RAET1E: variants seen among roughly 807,000 people sequenced by gnomAD.
The protein encoded by RAET1E is NKG2D ligand 4.
In RAET1E, 27 loss-of-function variants were observed where a neutral mutation model predicts 21.1. That is an observed-to-expected ratio of 1.28 (90% CI 0.94 to 1.76). The LOEUF (loss-of-function observed/expected upper bound fraction) is 1.76. RAET1E is among the 40% of genes most tolerant of loss of function. The pLI is 0.00. For missense variants in RAET1E, 310 were observed against 311.3 expected (o/e 1.00, Z 0.03); for synonymous variants, 113 against 115.0 (o/e 0.98, Z 0.11).
Position 149,888,167 on chromosome 6 carries a change from G to A in RAET1E, c.*331C>T, listed in dbSNP as rs764967104. The A allele has an allele frequency of 5.2e-6, 3 of 573,096 alleles. No individual in the cohort carries two copies. The highest frequency in any genetic ancestry group is 3.7e-5 in the African/African-American group (2 of 54,312). 35.5% of individuals were successfully genotyped at this position (573,096 alleles called of 1,614,324 possible). A position where few individuals can be genotyped will look rare whatever the true frequency, so the allele number is the denominator to read the frequency against. On this transcript the variant is annotated 3_prime_UTR_variant, in exon 6 of 6. Coordinates refer to ENST00000357183, the MANE Select transcript of RAET1E (RefSeq NM_001394057.1). Reference sequence around the variant, plus strand: ...AAGCGCCACCAGCAAGTCTTCTCAGGGTGAACGGGAAAAGGGGATGGGACC... The same window carrying A: ...AAGCGCCACCAGCAAGTCTTCTCAGAGTGAACGGGAAAAGGGGATGGGACC...
rs1777528448 is a variant in RAET1E at position 149,884,593 on chromosome 6, CCT to C, written c.*3903_*3904del. The C allele has an allele frequency of 8.7e-7, 1 of 1,155,996 alleles. No individual in the cohort carries two copies. The highest frequency in any genetic ancestry group is 1.2e-6 in the Non-Finnish European group (1 of 802,316). The allele number at this position is 1,155,996 out of a possible 1,614,324, so 71.6% of individuals were successfully genotyped here. ...GTGATCTCTCAGGACTCAGATCCCA[CCT>C]CTCTCTCAGGGAGAGATCAGCCGCT... On this transcript the variant is annotated 3_prime_UTR_variant, in exon 6 of 6. Transcript: ENST00000357183.
In RAET1E at chr6:149,887,949, C is replaced by A. The variant is rs542176741; in HGVS notation, c.*549G>T. On this transcript the variant is annotated 3_prime_UTR_variant, in exon 6 of 6. Transcript: ENST00000357183. ...CAGGTGTGTTGGCTCCCCCTGTAATCCCAGCGCTTTGGGAGGCCGAGGCGG... is the reference window on the plus strand; with the variant it reads ...CAGGTGTGTTGGCTCCCCCTGTAATACCAGCGCTTTGGGAGGCCGAGGCGG... Among the ~76,000 whole-genome samples the A allele has an allele frequency of 2.0e-5, 3 of 152,158 alleles. No homozygotes were observed. The highest frequency in any genetic ancestry group is 4.4e-5 in the Non-Finnish European group (3 of 68,026).
intron 2 of RAET1E, among the ~76,000 whole-genome samples, chr6:149,891,870 C>A (rs948349706): frequency 6.6e-6 from 1 of 152,076 alleles, no homozygotes; most frequent in Non-Finnish European, 1.5e-5. Flanking sequence ...TAATGTTACC[C>A]CTCTCCTAGC....
intron 2 of RAET1E, among the ~76,000 whole-genome samples, chr6:149,891,349 C>T (rs1424426694): frequency 1.3e-5 from 2 of 152,072 alleles, no homozygotes; most frequent in Non-Finnish European, 2.9e-5. Flanking sequence ...CGCCATTCTC[C>T]CCTCTCCCAC....
intron 1 of RAET1E, 171 bp from the exon 2 acceptor site, chr6:149,896,203 T>C (rs924590770): frequency 6.6e-6 from 1 of 152,240 alleles, no homozygotes; most frequent in Admixed American, 6.5e-5. Context: ...TGACATCCTG[T>C]GACTCAGATG....
chr6:149,892,202 T>TA (rs1326308303), intron 2 of RAET1E, among the ~76,000 whole-genome samples: 1 of 152,250 alleles, frequency 6.6e-6, no homozygotes, highest in African/African-American at 2.4e-5. Context: ...GCATGATTTA[T>TA]AATCCTTTGG....
chr6:149,888,546 C>T lies in RAET1E; in HGVS notation c.744G>A (p.Trp248Ter). ...LMGIVLICVW[W>*]QNGEWQAGLW... ...GACCAGCCTGCCACTCACCATTTTGCCACCAGACACAGATGAGAACAATTC... is the reference window on the plus strand; with the variant it reads ...GACCAGCCTGCCACTCACCATTTTGTCACCAGACACAGATGAGAACAATTC... Residue 248 changes from tryptophan to a stop codon, truncating the protein, a stop_gained, in exon 6 of 6, where the codon TGG (tryptophan) becomes TGA (stop). Transcript: ENST00000357183. LOFTEE classifies it low-confidence loss of function (END_TRUNC). 6.2e-7 allele frequency: 1 copy of T among 1,613,804 alleles called. No homozygotes were observed. The highest frequency in any genetic ancestry group is 8.5e-7 in the Non-Finnish European group (1 of 1,179,968).
rs766674050 is a variant in RAET1E at position 149,888,595 on chromosome 6, G to A, written c.695C>T (p.Ala232Val). ...TCCCATTAAAACTAACAGGATGAAT[G>A]CCCCCAGGATGATCCATCTATCTGG... ...SLPDRWIILGAFILLVLMGIV... is the reference protein window; with the variant it reads ...SLPDRWIILGVFILLVLMGIV... The change falls in exon 6 of 6, where the codon GCA becomes GTA. Residue 232 changes from alanine to valine, a missense_variant. Ala to Val is a moderately conservative substitution (Grantham distance 64). Coordinates refer to ENST00000357183, the MANE Select transcript of RAET1E (RefSeq NM_001394057.1). 6.2e-7 allele frequency: 1 copy of A among 1,608,330 alleles called. No individual in the cohort carries two copies. The highest frequency in any genetic ancestry group is 2.2e-5 in the East Asian group (1 of 44,550).
rs773168443 is a variant in RAET1E at position 149,885,047 on chromosome 6, C to T, written c.*3451G>A. 6.6e-6 allele frequency among the ~76,000 whole-genome samples: 1 copy of T among 152,162 alleles called. No homozygotes were observed. Among genetic ancestry groups the T allele is most frequent in the Non-Finnish European group, 1.5e-5 (1 of 68,000 alleles). ...GCTTTGTTGGAGCCCAGGCAGCCTTCTTCATTATGTCCTCCTAGGAATTAA... is the reference window on the plus strand; with the variant it reads ...GCTTTGTTGGAGCCCAGGCAGCCTTTTTCATTATGTCCTCCTAGGAATTAA... On this transcript the variant is annotated 3_prime_UTR_variant, in exon 6 of 6. Coordinates refer to ENST00000357183, the MANE Select transcript of RAET1E (RefSeq NM_001394057.1).
Position 149,890,098 on chromosome 6 carries a change from G to A in RAET1E, c.133C>T (p.Pro45Ser). The A allele has an allele frequency of 1.2e-6, 2 of 1,613,526 alleles. No homozygotes were observed. The highest frequency in any genetic ancestry group is 1.7e-6 in the Non-Finnish European group (2 of 1,179,494). The part of the protein sequence containing the change: ...FNFTIKSLSR[P>S]GQPWCEAQVF... ...TGCGCTTCACACCAGGGCTGTCCAG[G>A]TCTGGACAATGATTTTATAGTGAAG... The change falls in exon 4 of 6, where the codon CCT becomes TCT. Residue 45 changes from proline (P) to serine (S), a missense_variant. Coordinates refer to ENST00000357183, the MANE Select transcript of RAET1E (RefSeq NM_001394057.1).
Position 149,889,414 on chromosome 6 carries a change from T to C in RAET1E, c.556A>G (p.Lys186Glu). 1 of 1,614,224 alleles carries C rather than the reference T, an allele frequency of 6.2e-7. No homozygotes were observed. The highest frequency in any genetic ancestry group is 8.5e-7 in the Non-Finnish European group (1 of 1,180,044). The change falls in exon 5 of 6, where the codon AAG becomes GAG. Residue 186 changes from lysine (K) to glutamate (E), a missense_variant. By Grantham distance (56) the Lys-to-Glu change is moderately conservative. Transcript: ENST00000357183. ...CTGAGCCAGTGATCGCAGTCTCCCT[T>C]TGAGAGCTTCCTGAAATACTTTTCC... Reference protein sequence around the residue: ...GLEKYFRKLSKGDCDHWLREF... With the variant: ...GLEKYFRKLSEGDCDHWLREF...
chr6:149,894,621 C>T lies in RAET1E; in HGVS notation c.-134+1225G>A, dbSNP rs562934202. Among the ~76,000 whole-genome samples the T allele has an allele frequency of 2.6e-5, 4 of 152,098 alleles. No homozygotes were observed. In the South Asian group the frequency reaches 8.3e-4, roughly 32 times the overall value. On this transcript the variant is annotated intron_variant, in intron 2 of 5. Coordinates refer to ENST00000357183, the MANE Select transcript of RAET1E (RefSeq NM_001394057.1). ...AAGTTCTCATGCTGTTTTTTAGCTC[C>T]ATCAGGTCATTTATGTTCCTCTCTA...
At position 149,889,976 on chromosome 6, in the gene RAET1E, G is replaced by T. The variant is rs141247969; in HGVS notation, c.255C>A (p.Ser85Arg). 9.3e-6 allele frequency: 15 copies of T among 1,614,014 alleles called. No individual in the cohort carries two copies. In the African/African-American group the frequency reaches 2.0e-4, roughly 22 times the overall value. ...GCGTTTGGGTCAATTCTCCCCAAGTGCTGGTGGCATATACCTTCTTCCCCA... is the reference window on the plus strand; with the variant it reads ...GCGTTTGGGTCAATTCTCCCCAAGTTCTGGTGGCATATACCTTCTTCCCCA... ...GLLGKKVYAT[S>R]TWGELTQTLG... Residue 85 changes from serine (S) to arginine (R), a missense_variant, in exon 4 of 6, where the codon AGC becomes AGA. Coordinates refer to ENST00000357183, the MANE Select transcript of RAET1E (RefSeq NM_001394057.1).
rs112453646 is a variant in RAET1E, at chr6:149,889,403, G to A, written c.567C>T (p.Cys189=). ...CTAAGAATTCCCTGAGCCAGTGATC[G>A]CAGTCTCCCTTTGAGAGCTTCCTGA... ...KYFRKLSKGD[C]DHWLREFLGH... Residue 189 remains cysteine, a synonymous_variant, in exon 5 of 6, where the codon TGC becomes TGT. Transcript: ENST00000357183. 2.1e-5 allele frequency: 34 copies of A among 1,614,030 alleles called. No individual in the cohort carries two copies. The highest frequency in any genetic ancestry group is 1.1e-4 in the East Asian group (5 of 44,888).
chr6:149,889,239 A>G, intron 5 of RAET1E, 109 bp downstream of exon 5: 2 of 1,495,452 alleles, frequency 1.3e-6, no homozygotes, highest in East Asian at 2.4e-5. Flanking sequence ...CAGGAAGCCC[A>G]CGGAGAAGTC....
At chr6:149,888,885 G>A (rs1482919435) in intron 5 of RAET1E, among the ~76,000 whole-genome samples, 4 of 152,104 alleles carry the variant, frequency 2.6e-5, no homozygotes. Flanking sequence ...TACTGAGAGA[G>A]GTAGCAAATA....
chr6:149,890,722 A>T, intron 3 of RAET1E, 95 bp downstream of exon 3: 1 of 820,078 alleles, frequency 1.2e-6, no homozygotes, highest in Non-Finnish European at 2.1e-6. Context: ...GCAGGCACCC[A>T]CTTGTCTGAA....
intron 4 of RAET1E, 93 bp downstream of exon 4, chr6:149,889,792 T>C: frequency 6.6e-7 from 1 of 1,515,876 alleles, no homozygotes; most frequent in Admixed American, 1.8e-5. Context: ...CAATGATCAA[T>C]ACACAGATAT....
chr6:149,885,901 C>A lies in RAET1E; in HGVS notation c.*2597G>T, dbSNP rs1777588835. 6.6e-6 allele frequency among the ~76,000 whole-genome samples: 1 copy of A among 152,180 alleles called. No individual in the cohort carries two copies. Among genetic ancestry groups the A allele is most frequent in the African/African-American group, 2.4e-5 (1 of 41,428 alleles). Reference sequence around the variant, plus strand: ...ATCAATTTACTGACATACACCCAATCATAAAACAATGTGATAATTTTTCTG... The same window carrying A: ...ATCAATTTACTGACATACACCCAATAATAAAACAATGTGATAATTTTTCTG... On this transcript the variant is annotated 3_prime_UTR_variant, in exon 6 of 6. Coordinates refer to ENST00000357183, the MANE Select transcript of RAET1E (RefSeq NM_001394057.1).
Sources: allele counts gnomAD v4.1 joint callset (sites outside exome capture counted in the v4.1 genomes callset), GRCh38; gene constraint gnomAD v4.1.1; transcripts MANE v1.5; gene names NCBI Gene and HGNC (gene_info 2026-07-23, HGNC 2026-07-21).